The following HECW1 variants were observed in gnomAD, a reference collection of about 807,000 sequenced individuals.
The protein encoded by HECW1 is E3 ubiquitin-protein ligase HECW1.
In HECW1, 61 loss-of-function variants were observed where a neutral mutation model predicts 182.3. The observed-to-expected ratio is 0.33, with a 90% CI of 0.27 to 0.41. The LOEUF (loss-of-function observed/expected upper bound fraction) is 0.41. HECW1 is among the 10% of genes least tolerant of loss of function. The pLI is 1.00. For synonymous variants in HECW1, 859 were observed against 832.6 expected (o/e 1.03, Z -0.55); for missense variants, 1,739 against 2,108.9 (o/e 0.82, Z 3.44).
chr7:43,286,598 C>T (rs4724195), intron 3 of HECW1, among the ~76,000 whole-genome samples: 55,798 of 151,990 alleles, frequency 0.37, 14,023 homozygotes, highest in African/African-American at 0.72. Flanking sequence ...TTCTTTACTA[C>T]TTCTATTGGC....
intron 7 of HECW1, among the ~76,000 whole-genome samples, chr7:43,401,995 G>A (rs529388321): frequency 3.3e-5 from 5 of 152,168 alleles, no homozygotes; most frequent in Admixed American, 2.6e-4. Flanking sequence ...GAGGAGTTCA[G>A]TTGGGGAAGG....
intron 2 of HECW1, among the ~76,000 whole-genome samples, chr7:43,228,307 G>A: frequency 6.6e-6 from 1 of 151,510 alleles, no homozygotes; most frequent in African/African-American, 2.4e-5. Context: ...GCAACATACA[G>A]AGACCTCATC....
At chr7:43,258,086 T>A (rs1428852751) in intron 3 of HECW1, among the ~76,000 whole-genome samples, 2 of 152,158 alleles carry the variant, frequency 1.3e-5, no homozygotes, top group Non-Finnish European at 2.9e-5. Context: ...ACGCCTGTAA[T>A]CTCAGCACTG....
intron 3 of HECW1, among the ~76,000 whole-genome samples, chr7:43,306,360 A>G (rs900869638): frequency 2.0e-5 from 3 of 150,806 alleles, no homozygotes; most frequent in African/African-American, 5.0e-5. Flanking sequence ...AATCCTTTGT[A>G]GAAAAAGATA....
intron 3 of HECW1, among the ~76,000 whole-genome samples, chr7:43,288,565 C>T (rs1027779149): frequency 6.6e-6 from 1 of 152,212 alleles, no homozygotes; most frequent in African/African-American, 2.4e-5. Context: ...TCTCCACTCA[C>T]TCATCCTGTG....
intron 29 of HECW1, among the ~76,000 whole-genome samples, chr7:43,558,725 C>T (rs772070046): frequency 7.9e-5 from 12 of 152,066 alleles, no homozygotes; most frequent in Non-Finnish European, 1.8e-4. Context: ...ACAAAGGAGG[C>T]CTGAGGGTGC....
At chr7:43,343,063 T>C (rs896550961) in intron 5 of HECW1, among the ~76,000 whole-genome samples, 2 of 151,444 alleles carry the variant, frequency 1.3e-5, no homozygotes, top group Non-Finnish European at 2.9e-5. Flanking sequence ...GATAATTTGA[T>C]CCTTTCTGCA....
intron 2 of HECW1, among the ~76,000 whole-genome samples, chr7:43,135,723 T>C (rs1787452067): frequency 6.6e-6 from 1 of 152,214 alleles, no homozygotes; most frequent in South Asian, 2.1e-4. Context: ...ATACCTCTGA[T>C]TTGAATTTTC....
intron 21 of HECW1, among the ~76,000 whole-genome samples, chr7:43,506,089 C>T (rs2079566919): frequency 6.6e-6 from 1 of 152,148 alleles, no homozygotes; most frequent in Admixed American, 6.5e-5. Context: ...AAGTTCTCCT[C>T]TATGTAGAGT....
intron 2 of HECW1, among the ~76,000 whole-genome samples, chr7:43,132,289 T>A (rs1238523413): frequency 6.6e-6 from 1 of 152,182 alleles, no homozygotes; most frequent in African/African-American, 2.4e-5. Flanking sequence ...TTATTTGTGA[T>A]GACCTATTGG....
intron 3 of HECW1, among the ~76,000 whole-genome samples, chr7:43,286,622 G>A (rs1422544658): frequency 2.0e-5 from 3 of 151,990 alleles, no homozygotes; most frequent in Non-Finnish European, 4.4e-5. Context: ...TGCAGTTTTC[G>A]TTTGTCACTT....
At chr7:43,158,249 A>G (rs1443784820) in intron 2 of HECW1, among the ~76,000 whole-genome samples, 2 of 152,242 alleles carry the variant, frequency 1.3e-5, no homozygotes, top group East Asian at 1.9e-4. Context: ...GTTATTATAC[A>G]TAAACCATAA....
In HECW1 at chr7:43,312,045, G is replaced by A; in HGVS notation, c.310G>A (p.Glu104Lys). 6.2e-7 allele frequency: 1 copy of A among 1,614,264 alleles called. No individual in the cohort carries two copies. The highest frequency in any genetic ancestry group is 8.5e-7 in the Non-Finnish European group (1 of 1,180,048). Residue 104 changes from glutamate (E) to lysine (K), a missense_variant, in exon 4 of 30, where the codon GAG becomes AAG. Glu to Lys is a moderately conservative substitution (Grantham distance 56). This residue lies in a region of HECW1 where 279 missense variants were observed against 353.1 expected (regional missense o/e 0.79). Coordinates refer to ENST00000395891, the MANE Select transcript of HECW1 (RefSeq NM_015052.5). ...QDLVIHWDIKEEVDAGDWIGM... is the reference protein window; with the variant it reads ...QDLVIHWDIKKEVDAGDWIGM... The stretch of plus-strand genomic sequence containing the variant: ...CCTGGTCATCCACTGGGACATAAAG[G>A]AGGAAGTGGACGCTGGGGACTGGAT...
intron 8 of HECW1, among the ~76,000 whole-genome samples, chr7:43,428,312 G>T (rs1312234691): frequency 6.6e-6 from 1 of 152,178 alleles, no homozygotes; most frequent in Non-Finnish European, 1.5e-5. Context: ...ACCCTGGATT[G>T]TATTCCATTT....
intron 12 of HECW1, among the ~76,000 whole-genome samples, chr7:43,454,082 T>G (rs56125132): frequency 0.16 from 24,922 of 152,178 alleles, 2,569 homozygotes; most frequent in South Asian, 0.22. Flanking sequence ...AATTGAAACA[T>G]GTGATGATAA....
chr7:43,431,208 C>T (rs920047305), intron 8 of HECW1, among the ~76,000 whole-genome samples: 2 of 152,202 alleles, frequency 1.3e-5, no homozygotes, highest in Admixed American at 6.5e-5. Flanking sequence ...GCCATCTATT[C>T]CTGCACTTAT....
chr7:43,248,696 T>TCCTCC (rs1799693499), intron 3 of HECW1: 1 of 101,122 alleles, frequency 9.9e-6, no homozygotes, highest in African/African-American at 4.2e-5. Flanking sequence ...CCTCCTCCTT[T>TCCTCC]TCCTCCTCCT....
intron 2 of HECW1, among the ~76,000 whole-genome samples, chr7:43,210,924 A>C (rs1227074478): frequency 1.3e-5 from 2 of 152,192 alleles, no homozygotes; most frequent in African/African-American, 4.8e-5. Context: ...GTGCACTTGC[A>C]AGATTTAATA....
chr7:43,143,500 C>T (rs1287580621), intron 2 of HECW1, among the ~76,000 whole-genome samples: 1 of 151,514 alleles, frequency 6.6e-6, no homozygotes, highest in East Asian at 2.0e-4. Flanking sequence ...TACCCAGGCT[C>T]GTCTTGAACT....
Sources: allele counts gnomAD v4.1 joint callset (sites outside exome capture counted in the v4.1 genomes callset), GRCh38; gene constraint gnomAD v4.1.1; regional missense constraint gnomAD v4.1.1; transcripts MANE v1.5; gene names NCBI Gene and HGNC (gene_info 2026-07-23, HGNC 2026-07-21).